Variants in PRKG1 observed in about 807,000 individuals in gnomAD.
PRKG1 encodes the protein cGMP-dependent protein kinase 1.
In PRKG1, 35 loss-of-function variants were observed where a neutral mutation model predicts 88.1. That is an observed-to-expected ratio of 0.40 (90% CI 0.30 to 0.53). The LOEUF (loss-of-function observed/expected upper bound fraction) is 0.53, where lower values mean the gene tolerates loss of function less well. Among genes scored for constraint, PRKG1 ranks in the 20% least tolerant of loss-of-function variants. The pLI is 0.59. For missense variants in PRKG1, 540 were observed against 839.8 expected (o/e 0.64, Z 4.41); for synonymous variants, 303 against 292.5 (o/e 1.04, Z -0.37).
At chr10:51,491,196 G>A (rs760910491) in intron 3 of PRKG1, among the ~76,000 whole-genome samples, 2 of 151,956 alleles carry the variant, frequency 1.3e-5, no homozygotes, top group Non-Finnish European at 2.9e-5. Context: ...TTTGGAGTGA[G>A]GTTGATTTTA....
chr10:51,760,251 T>C (rs1343526517), intron 3 of PRKG1, among the ~76,000 whole-genome samples: 2 of 152,246 alleles, frequency 1.3e-5, no homozygotes, highest in Non-Finnish European at 2.9e-5. Context: ...TTACCTTTTA[T>C]GTAATCTTGT....
chr10:52,120,426 A>G (rs947889637), intron 7 of PRKG1, among the ~76,000 whole-genome samples: 3 of 152,196 alleles, frequency 2.0e-5, no homozygotes, highest in Non-Finnish European at 4.4e-5. Flanking sequence ...CATCTGAATC[A>G]GATATGGATG....
At chr10:51,141,420 A>G (rs1357330299) in intron 1 of PRKG1, among the ~76,000 whole-genome samples, 2 of 152,192 alleles carry the variant, frequency 1.3e-5, no homozygotes, top group Non-Finnish European at 2.9e-5. Flanking sequence ...TGTGGATAAC[A>G]CTTACTTCCA....
chr10:51,957,815 T>C (rs1843350439), intron 5 of PRKG1, among the ~76,000 whole-genome samples: 1 of 152,178 alleles, frequency 6.6e-6, no homozygotes, highest in South Asian at 2.1e-4. Flanking sequence ...TAACTTCACC[T>C]GTAATAGTGT....
chr10:52,101,028 A>G (rs910741420), intron 7 of PRKG1, among the ~76,000 whole-genome samples: 3 of 152,208 alleles, frequency 2.0e-5, no homozygotes, highest in Admixed American at 2.0e-4. Context: ...ATATATGCAA[A>G]CAATCTTACA....
intron 7 of PRKG1, among the ~76,000 whole-genome samples, chr10:52,087,911 G>T (rs1846956023): frequency 6.6e-6 from 1 of 152,100 alleles, no homozygotes; most frequent in Admixed American, 6.6e-5. Context: ...TTTCAATAAG[G>T]AAACTGCATG....
chr10:51,765,395 C>T (rs1473688835), intron 3 of PRKG1, among the ~76,000 whole-genome samples: 1 of 152,180 alleles, frequency 6.6e-6, no homozygotes, highest in Non-Finnish European at 1.5e-5. Flanking sequence ...AGATAGGTAT[C>T]TGTCCTTAAG....
intron 2 of PRKG1, among the ~76,000 whole-genome samples, chr10:51,375,928 G>T (rs544183581): frequency 6.6e-6 from 1 of 152,258 alleles, no homozygotes; most frequent in South Asian, 2.1e-4. Context: ...ACTATACATT[G>T]TAACTTATAA....
intron 3 of PRKG1, among the ~76,000 whole-genome samples, chr10:51,782,641 T>C (rs1205504972): frequency 2.0e-5 from 3 of 152,222 alleles, no homozygotes; most frequent in East Asian, 1.9e-4. Flanking sequence ...TGGTGGGAGA[T>C]AACTGAATCT....
At chr10:51,534,517 C>T (rs1463731671) in intron 3 of PRKG1, among the ~76,000 whole-genome samples, 1 of 148,148 alleles carries the variant, frequency 6.8e-6, no homozygotes, top group Non-Finnish European at 1.5e-5. Flanking sequence ...AAATACAAAA[C>T]ATTAGCCGGG....
intron 3 of PRKG1, among the ~76,000 whole-genome samples, chr10:51,619,902 T>A (rs2132259459): frequency 6.6e-6 from 1 of 152,172 alleles, no homozygotes; most frequent in Non-Finnish European, 1.5e-5. Context: ...ATCAATTGAG[T>A]TTGCTTCCTG....
chr10:51,518,346 T>G (rs1172931381), intron 3 of PRKG1, among the ~76,000 whole-genome samples: 2 of 152,190 alleles, frequency 1.3e-5, no homozygotes, highest in Non-Finnish European at 2.9e-5. Context: ...CCTAAGATTC[T>G]TCTAATTTCT....
chr10:52,194,642 A>G (rs911866513), intron 9 of PRKG1, among the ~76,000 whole-genome samples: 2 of 152,186 alleles, frequency 1.3e-5, no homozygotes, highest in African/African-American at 4.8e-5. Flanking sequence ...AAATACCAGA[A>G]CAGTGTTTGA....
At chr10:52,179,655 C>G (rs1838962340) in intron 9 of PRKG1, among the ~76,000 whole-genome samples, 1 of 152,068 alleles carries the variant, frequency 6.6e-6, no homozygotes, top group South Asian at 2.1e-4. Flanking sequence ...AGATTTTCAG[C>G]TATTATTTTA....
At chr10:51,937,141 C>T (rs770559040) in intron 5 of PRKG1, among the ~76,000 whole-genome samples, 42 of 151,992 alleles carry the variant, frequency 2.8e-4, no homozygotes, top group Non-Finnish European at 4.6e-4. Context: ...AGTACCAGAC[C>T]TAATGTCCAT....
chr10:52,113,921 T>A (rs559842891), intron 7 of PRKG1, among the ~76,000 whole-genome samples: 6 of 152,238 alleles, frequency 3.9e-5, no homozygotes, highest in Admixed American at 3.3e-4. Context: ...AAGTTATTGT[T>A]AAATCGCTAA....
intron 4 of PRKG1, among the ~76,000 whole-genome samples, chr10:51,845,917 GATACAGTT>G (rs926374326): frequency 5.9e-5 from 9 of 151,314 alleles, no homozygotes; most frequent in African/African-American, 9.7e-5. Flanking sequence ...TTAATTGAAT[GATACAGTT>G]CTGTCTGATT....
At chr10:51,641,181 G>T (rs986594977) in intron 3 of PRKG1, among the ~76,000 whole-genome samples, 1 of 152,148 alleles carries the variant, frequency 6.6e-6, no homozygotes, top group Non-Finnish European at 1.5e-5. Context: ...AGAAGTGACT[G>T]GGGAGAGAAA....
intron 9 of PRKG1, chr10:52,231,310 A>C (rs1038463549): frequency 6.6e-6 from 1 of 152,222 alleles, no homozygotes; most frequent in African/African-American, 2.4e-5. Context: ...CTGAGGCAGG[A>C]GAACTGCTTG....
Sources: gnomAD v4.1 joint callset for allele counts (sites outside exome capture counted in the v4.1 genomes callset) on GRCh38, gnomAD v4.1.1 for gene constraint, MANE v1.5 for transcripts, NCBI Gene and HGNC (gene_info 2026-07-23, HGNC 2026-07-21) for gene names.